The following SF3A3 variants were observed in gnomAD, a reference collection of about 807,000 sequenced individuals.
SF3A3 encodes the protein SAP 61.
SF3A3 carries 9 observed loss-of-function variants against 85.8 expected under a neutral mutation model. The ratio of observed to expected loss-of-function variants is 0.10; its 90% CI spans 0.06 to 0.18. The LOEUF (loss-of-function observed/expected upper bound fraction) is 0.18, where lower values mean the gene tolerates loss of function less well. Ranked by LOEUF, SF3A3 falls within the 10% of genes least tolerant of loss-of-function variation. SF3A3 has a pLI of 1.00. For synonymous variants in SF3A3, 195 were observed against 204.4 expected (o/e 0.95, Z 0.39); for missense variants, 306 against 593.3 (o/e 0.52, Z 5.03).
At chr1:37,980,843 T>C in intron 7 of SF3A3, 119 bp from the exon 8 acceptor site, 1 of 42,142 alleles carries the variant, frequency 2.4e-5, no homozygotes, top group South Asian at 9.2e-4. Context: ...TTAATACTCT[T>C]TTTTTTTTTT....
At position 37,984,736 on chromosome 1, in the gene SF3A3, G is replaced by A; in HGVS notation, c.347C>T (p.Ala116Val). The A allele has an allele frequency of 6.2e-7, 1 of 1,613,808 alleles. No homozygotes were observed. The highest frequency in any genetic ancestry group is 8.5e-7 in the Non-Finnish European group (1 of 1,179,678). Residue 116 changes from alanine (A) to valine (V), a missense_variant, in exon 5 of 17, where the codon GCT (alanine) becomes GTT (valine). Transcript: ENST00000373019. ...TGCCTCTTCACTTGGATTCTCTCGA[G>A]CCTTCAGGAGTTCCTCAAATTCCAC... is the stretch of plus-strand genomic sequence containing the variant. ...MSVEFEELLK[A>V]RENPSEEAQN...
At chr1:37,988,499 G>A (rs901698960) in intron 2 of SF3A3, among the ~76,000 whole-genome samples, 9 of 152,074 alleles carry the variant, frequency 5.9e-5, no homozygotes, top group South Asian at 2.1e-4. Context: ...TCACAGGTTC[G>A]GGCCAGGTTT....
intron 12 of SF3A3, among the ~76,000 whole-genome samples, chr1:37,973,785 C>T (rs994201769): frequency 3.3e-5 from 5 of 152,132 alleles, no homozygotes; most frequent in African/African-American, 4.8e-5. Flanking sequence ...TGCACACTTA[C>T]GTTTATTGCA....
At chr1:37,958,405 T>A in intron 16 of SF3A3, 142 bp from the exon 17 acceptor site, 1 of 655,882 alleles carries the variant, frequency 1.5e-6, no homozygotes. Context: ...TAAGCCTTTC[T>A]CAACTGGGGT....
chr1:37,959,024 T>A (rs765247599), intron 16 of SF3A3, among the ~76,000 whole-genome samples: 5 of 152,028 alleles, frequency 3.3e-5, no homozygotes, highest in Non-Finnish European at 5.9e-5. Context: ...AGTCTATAAA[T>A]CTCCATGGCA....
chr1:37,958,386 G>C (rs1373924026), intron 16 of SF3A3, 123 bp from the exon 17 acceptor site: 3 of 721,564 alleles, frequency 4.2e-6, no homozygotes, highest in Middle Eastern at 4.7e-4. Flanking sequence ...ACTAAGATTG[G>C]CATTCATCTA....
In SF3A3 at chr1:37,978,743, AT is replaced by A. The variant is rs1233664880; in HGVS notation, c.911del (p.Asn304IlefsTer20). 1 of 1,565,564 alleles carries A rather than the reference AT, an allele frequency of 6.4e-7. No homozygotes were observed. Among genetic ancestry groups the A allele is most frequent in the Non-Finnish European group, 8.7e-7 (1 of 1,153,662 alleles). ...ACCGCTTGGTGCCCTTTGACTTGGG[AT>A]TTTTGGCAAACAAAGAGGTATCAAG... ...ESLDTSLFAK[N>X]PKSKGTKRDT... On this transcript the variant is annotated frameshift_variant, in exon 11 of 17. Coordinates refer to ENST00000373019, the MANE Select transcript of SF3A3 (RefSeq NM_006802.4). LOFTEE classifies it high-confidence loss of function.
chr1:37,971,323 G>T (rs1646343216), intron 12 of SF3A3, among the ~76,000 whole-genome samples: 2 of 152,128 alleles, frequency 1.3e-5, no homozygotes, highest in Non-Finnish European at 2.9e-5. Context: ...TTGAATCCCT[G>T]AATAGACCAA....
intron 15 of SF3A3, among the ~76,000 whole-genome samples, chr1:37,961,780 A>AAAAAAG (rs1553164720): frequency 2.1e-5 from 3 of 141,758 alleles, no homozygotes; most frequent in African/African-American, 8.6e-5. Flanking sequence ...AAAAAAAAAA[A>AAAAAAG]AAAGAAAGAA....
intron 15 of SF3A3, among the ~76,000 whole-genome samples, chr1:37,963,689 T>G (rs1281603007): frequency 2.7e-5 from 4 of 150,090 alleles, no homozygotes; most frequent in African/African-American, 9.7e-5. Context: ...CCCAAGTAGC[T>G]GGGACTACAG....
At chr1:37,981,865 A>T in intron 6 of SF3A3, 54 bp from the exon 7 acceptor site, 5 of 976,408 alleles carry the variant, frequency 5.1e-6, no homozygotes, top group Non-Finnish European at 8.0e-6. Context: ...ATACTGTAAC[A>T]AGTTACAATA....
At chr1:37,967,167 A>T (rs533304406) in intron 15 of SF3A3, among the ~76,000 whole-genome samples, 1 of 90,674 alleles carries the variant, frequency 1.1e-5, no homozygotes, top group South Asian at 3.6e-4. Flanking sequence ...GAGGCAGGAG[A>T]ATTGCTTGAG....
intron 15 of SF3A3, 41 bp from the exon 16 acceptor site, chr1:37,960,216 C>T (rs1158696205): frequency 1.0e-5 from 16 of 1,576,792 alleles, no homozygotes; most frequent in Non-Finnish European, 1.4e-5. Flanking sequence ...ATGGACTGAA[C>T]ATCTGTTGGG....
chr1:37,961,341 T>C (rs1300452374), intron 15 of SF3A3, among the ~76,000 whole-genome samples: 2 of 152,094 alleles, frequency 1.3e-5, no homozygotes, highest in African/African-American at 2.4e-5. Context: ...TCCCAGCACT[T>C]TGGGAAGCTG....
chr1:37,966,346 C>T (rs1387129945), intron 15 of SF3A3, among the ~76,000 whole-genome samples: 1 of 152,138 alleles, frequency 6.6e-6, no homozygotes, highest in Non-Finnish European at 1.5e-5. Context: ...CTATGTGCTT[C>T]AGCAGCACAT....
chr1:37,962,895 G>C (rs1178858002), intron 15 of SF3A3, among the ~76,000 whole-genome samples: 1 of 151,830 alleles, frequency 6.6e-6, no homozygotes, highest in Middle Eastern at 3.4e-3. Context: ...AGACCAGCCC[G>C]GGCAACAAAG....
intron 8 of SF3A3, 139 bp from the exon 9 acceptor site, chr1:37,979,672 ATGGTGAAATC>A (rs1646403129): frequency 1.0e-5 from 6 of 578,588 alleles, no homozygotes; most frequent in Admixed American, 2.9e-5. Flanking sequence ...GCAGGGAAAC[ATGGTGAAATC>A]TTGTCTCTAC....
intron 15 of SF3A3, among the ~76,000 whole-genome samples, chr1:37,965,599 C>T (rs943982366): frequency 6.6e-6 from 1 of 151,914 alleles, no homozygotes; most frequent in Non-Finnish European, 1.5e-5. Context: ...ACAAAAAATA[C>T]AAAAATTAGC....
At chr1:37,973,946 C>T (rs1646361080) in intron 12 of SF3A3, among the ~76,000 whole-genome samples, 1 of 152,098 alleles carries the variant, frequency 6.6e-6, no homozygotes, top group Admixed American at 6.6e-5. Flanking sequence ...ATGGATGAAG[C>T]TAGAAACCAT....
Sources: gnomAD v4.1 joint callset for allele counts (sites outside exome capture counted in the v4.1 genomes callset) on GRCh38, gnomAD v4.1.1 for gene constraint, MANE v1.5 for transcripts, NCBI Gene and HGNC (gene_info 2026-07-23, HGNC 2026-07-21) for gene names.